Variants in UBP1 observed in about 807,000 individuals in gnomAD.
UBP1 encodes upstream binding protein 1.
In UBP1, 22 loss-of-function variants were observed where a neutral mutation model predicts 76.1. The ratio of observed to expected loss-of-function variants is 0.29; its 90% confidence interval spans 0.21 to 0.41. The LOEUF (loss-of-function observed/expected upper bound fraction) is 0.41. UBP1 is among the 10% of genes least tolerant of loss of function. The probability of loss-of-function intolerance (pLI) is 1.00; values close to 1 mark genes in which losing one functional copy is unlikely to be tolerated. For synonymous variants in UBP1, 224 were observed against 237.1 expected (o/e 0.94, Z 0.51); for missense variants, 436 against 668.1 (o/e 0.65, Z 3.83).
At chr3:33,402,389 T>C (rs372311012) in intron 9 of UBP1, among the ~76,000 whole-genome samples, 2 of 152,166 alleles carry the variant, frequency 1.3e-5, no homozygotes, top group South Asian at 4.1e-4. Context: ...AGCATATCTA[T>C]TGGGAGAGAA....
intron 15 of UBP1, chr3:33,391,276 C>G (rs1022966791): frequency 6.6e-6 from 1 of 152,194 alleles, no homozygotes; most frequent in Non-Finnish European, 1.5e-5. Context: ...TGTGCTAAGA[C>G]CGGATTTGGA....
chr3:33,439,663 T>C (rs1327565500), intron 1 of UBP1, 73 bp downstream of exon 1: 2 of 1,510,976 alleles, frequency 1.3e-6, no homozygotes. Context: ...CAGCCGCATC[T>C]GGCAGAGACT....
intron 1 of UBP1, among the ~76,000 whole-genome samples, chr3:33,433,606 C>T (rs12106740): frequency 0.38 from 57,233 of 151,312 alleles, 11,775 homozygotes; most frequent in East Asian, 0.6. Context: ...TGAGCTGAGA[C>T]AGTGCCACTG....
rs1348476157 is a variant in UBP1 at position 33,439,877 on chromosome 3, C to G, written c.-29G>C. 6.2e-7 allele frequency: 1 copy of G among 1,608,014 alleles called. No individual in the cohort carries two copies. Among genetic ancestry groups the G allele is most frequent in the African/African-American group, 1.3e-5 (1 of 74,354 alleles). On this transcript the variant is annotated 5_prime_UTR_variant, in exon 1 of 16. Coordinates refer to ENST00000283629, the MANE Select transcript of UBP1 (RefSeq NM_014517.5). ...CCGGCCTCGCCGTCGCCCCGCACAC[C>G]GCGGCCTCCGCGTCCAGGGCGAAGG...
At chr3:33,410,535 A>AT (rs201042810) in intron 5 of UBP1, among the ~76,000 whole-genome samples, 2,033 of 152,316 alleles carry the variant, frequency 0.013, 19 homozygotes, top group South Asian at 0.027. Flanking sequence ...AATACAAATG[A>AT]TTTTTTACAG....
chr3:33,393,251 A>C (rs2043839194), intron 14 of UBP1, 61 bp downstream of exon 14: 1 of 1,490,142 alleles, frequency 6.7e-7, no homozygotes, highest in East Asian at 2.4e-5. Context: ...CTACAGTTCT[A>C]CAATTACATG....
chr3:33,398,113 G>A (rs946937084), intron 11 of UBP1: 1 of 152,192 alleles, frequency 6.6e-6, no homozygotes, highest in African/African-American at 2.4e-5. Context: ...TTTAATGTCT[G>A]AATGTATCCA....
chr3:33,434,064 A>T (rs1170144091), intron 1 of UBP1, among the ~76,000 whole-genome samples: 1 of 152,208 alleles, frequency 6.6e-6, no homozygotes, highest in African/African-American at 2.4e-5. Context: ...ATGATGAAAC[A>T]TCAAGTTTAG....
Position 33,439,942 on chromosome 3 carries a change from G to A in UBP1, c.-94C>T. The A allele has an allele frequency of 1.6e-5, 22 of 1,416,366 alleles. No homozygotes were observed. The highest frequency in any genetic ancestry group is 2.5e-5 in the East Asian group (1 of 39,646). The allele number at this position is 1,416,366 out of a possible 1,614,324, so 87.7% of individuals were successfully genotyped here. A position where few individuals can be genotyped will look rare whatever the true frequency, so the allele number is the denominator to read the frequency against. ...TGGCGCGTCCTGGGGGAGGGCGCGGGTGAAGCCTCCGGAGGGGCGGCGAGT... is the reference window on the plus strand; with the variant it reads ...TGGCGCGTCCTGGGGGAGGGCGCGGATGAAGCCTCCGGAGGGGCGGCGAGT... On this transcript the variant is annotated 5_prime_UTR_variant, in exon 1 of 16. Coordinates refer to ENST00000283629, the MANE Select transcript of UBP1 (RefSeq NM_014517.5).
chr3:33,440,754 G>A (rs1283930340), upstream of UBP1: 1 of 152,348 alleles, frequency 6.6e-6, no homozygotes, highest in Non-Finnish European at 1.5e-5. Flanking sequence ...TCTTCACCTT[G>A]GGCGGGCTCG....
At chr3:33,404,499 T>C (rs1254283213) in intron 8 of UBP1, among the ~76,000 whole-genome samples, 1 of 136,370 alleles carries the variant, frequency 7.3e-6, no homozygotes, top group African/African-American at 2.7e-5. Flanking sequence ...AAAAAAAAAA[T>C]AGCCAGGTAT....
chr3:33,439,503 G>A (rs1381381321), intron 1 of UBP1, among the ~76,000 whole-genome samples: 1 of 152,246 alleles, frequency 6.6e-6, no homozygotes, highest in Admixed American at 6.5e-5. Flanking sequence ...GAAGCACTCA[G>A]GAGCGGTCCG....
At chr3:33,396,370 T>C (rs1016504978) in intron 12 of UBP1, 90 bp from the exon 13 acceptor site, 4 of 961,084 alleles carry the variant, frequency 4.2e-6, no homozygotes, top group Non-Finnish European at 6.2e-6. Context: ...CTAAGTTCTA[T>C]TTCCTTATGA....
At chr3:33,400,366 T>C in intron 10 of UBP1, 84 bp from the exon 11 acceptor site, 1 of 1,128,352 alleles carries the variant, frequency 8.9e-7, no homozygotes. Flanking sequence ...CCTCGGAGTC[T>C]GAAGTAAAAA....
At chr3:33,395,764 A>G (rs1199397720) in intron 13 of UBP1, among the ~76,000 whole-genome samples, 4 of 151,270 alleles carry the variant, frequency 2.6e-5, no homozygotes, top group Non-Finnish European at 5.9e-5. Flanking sequence ...AAAAAAAAAA[A>G]AAAAAAAAAG....
Position 33,389,381 on chromosome 3 carries a change from G to C in UBP1, c.*950C>G, listed in dbSNP as rs564353979. On this transcript the variant is annotated 3_prime_UTR_variant, in exon 16 of 16. Coordinates refer to ENST00000283629, the MANE Select transcript of UBP1 (RefSeq NM_014517.5). ...AAGATCCCTTAACACCTAGTCAGAAGCTATCAACAATAATACTTTCTCCCC... is the reference window on the plus strand; with the variant it reads ...AAGATCCCTTAACACCTAGTCAGAACCTATCAACAATAATACTTTCTCCCC... 3 of 144,012 alleles carry C rather than the reference G, an allele frequency of 2.1e-5. No individual in the cohort carries two copies. The highest frequency in any genetic ancestry group is 7.8e-5 in the African/African-American group (3 of 38,674). The allele number at this position is 144,012 out of a possible 1,614,324, so 8.9% of individuals were successfully genotyped here.
chr3:33,422,311 C>A (rs2044915633), intron 2 of UBP1, among the ~76,000 whole-genome samples: 1 of 152,022 alleles, frequency 6.6e-6, no homozygotes, highest in African/African-American at 2.4e-5. Context: ...AGGCCTGAGG[C>A]AGGAGGACTG....
intron 3 of UBP1, among the ~76,000 whole-genome samples, chr3:33,413,806 C>T (rs972897540): frequency 6.6e-6 from 1 of 152,146 alleles, no homozygotes; most frequent in African/African-American, 2.4e-5. Context: ...CCTGTCCAAG[C>T]AATTACCCAG....
At chr3:33,432,340 T>C (rs2045128666) in intron 1 of UBP1, among the ~76,000 whole-genome samples, 1 of 152,170 alleles carries the variant, frequency 6.6e-6, no homozygotes, top group Admixed American at 6.5e-5. Flanking sequence ...GTTCTCTGTT[T>C]TGGCAAAGTT....
Sources: gnomAD v4.1 joint callset for allele counts (sites outside exome capture counted in the v4.1 genomes callset) on GRCh38, gnomAD v4.1.1 for gene constraint, MANE v1.5 for transcripts, NCBI Gene and HGNC (gene_info 2026-07-23, HGNC 2026-07-21) for gene names.